Variants in ENTPD4 observed in about 807,000 individuals in gnomAD.
The protein encoded by ENTPD4 is ectonucleoside triphosphate diphosphohydrolase 4.
A neutral mutation model predicts 79.1 loss-of-function variants in ENTPD4; 60 were observed. The ratio of observed to expected loss-of-function variants is 0.76; its 90% CI spans 0.62 to 0.94. ENTPD4 has a LOEUF of 0.94. Among genes scored for constraint, ENTPD4 ranks in the 40% least tolerant of loss-of-function variants. ENTPD4 has a pLI of 0.00. For synonymous variants in ENTPD4, 276 were observed against 292.0 expected (o/e 0.95, Z 0.56); for missense variants, 772 against 775.1 (o/e 1.00, Z 0.05).
At chr8:23,454,470 T>C (rs1800918308) in intron 1 of ENTPD4, among the ~76,000 whole-genome samples, 2 of 152,062 alleles carry the variant, frequency 1.3e-5, no homozygotes, top group South Asian at 2.1e-4. Flanking sequence ...ACAGAGAAAA[T>C]ACTAATGCCC....
chr8:23,431,232 C>T lies in ENTPD4; in HGVS notation c.*1694G>A. ...TCTCTCCTGTTTCTCCAAACTCTCCCAGCCTCTGCCCAGTACCTAGTTCCA... is the reference window on the plus strand; with the variant it reads ...TCTCTCCTGTTTCTCCAAACTCTCCTAGCCTCTGCCCAGTACCTAGTTCCA... On this transcript the variant is annotated 3_prime_UTR_variant, in exon 13 of 13. Transcript: ENST00000358689. 1 of 622,696 alleles carries T rather than the reference C, an allele frequency of 1.6e-6. No individual in the cohort carries two copies. Among genetic ancestry groups the T allele is most frequent in the Non-Finnish European group, 2.0e-6 (1 of 499,462 alleles). The allele number at this position is 622,696 out of a possible 1,614,324, so 38.6% of individuals were successfully genotyped here. A position where few individuals can be genotyped will look rare whatever the true frequency, so the allele number is the denominator to read the frequency against.
chr8:23,436,426 G>GA (rs1198108443), intron 10 of ENTPD4, among the ~76,000 whole-genome samples: 2 of 152,096 alleles, frequency 1.3e-5, no homozygotes, highest in African/African-American at 2.4e-5. Context: ...TGGAGTTGTG[G>GA]AATCTAGCAG....
At chr8:23,438,925 A>T (rs1211200640) in intron 9 of ENTPD4, among the ~76,000 whole-genome samples, 2 of 152,200 alleles carry the variant, frequency 1.3e-5, no homozygotes, top group Non-Finnish European at 2.9e-5. Flanking sequence ...GATTACATTA[A>T]TCAAGGAAGT....
At chr8:23,445,769 G>A (rs1170089992) in intron 4 of ENTPD4, among the ~76,000 whole-genome samples, 2 of 152,212 alleles carry the variant, frequency 1.3e-5, no homozygotes, top group African/African-American at 2.4e-5. Context: ...CACAAAATGT[G>A]TCTGTTCAAA....
At chr8:23,438,769 A>C (rs1033032127) in intron 9 of ENTPD4, among the ~76,000 whole-genome samples, 1 of 152,246 alleles carries the variant, frequency 6.6e-6, no homozygotes, top group African/African-American at 2.4e-5. Flanking sequence ...CAATCTTATA[A>C]TTAAAACTAT....
chr8:23,430,374 A>T lies in ENTPD4; in HGVS notation c.*2552T>A. On this transcript the variant is annotated 3_prime_UTR_variant, in exon 13 of 13. Transcript: ENST00000358689. ...GAAGTGAAATTCTGGTGCAACAAAT[A>T]TTTTAAGATTGAAGTTTGGTTACTT... The T allele has an allele frequency of 1.0e-6, 1 of 985,446 alleles. No individual in the cohort carries two copies. Among genetic ancestry groups the T allele is most frequent in the Non-Finnish European group, 1.2e-6 (1 of 829,934 alleles). 61.0% of individuals were successfully genotyped at this position (985,446 alleles called of 1,614,324 possible). A position where few individuals can be genotyped will look rare whatever the true frequency, so the allele number is the denominator to read the frequency against.
rs776327006 is a variant in ENTPD4, at chr8:23,449,830, C to G, written c.8+63G>C. The G allele has an allele frequency of 4.2e-6, 6 of 1,418,914 alleles. No homozygotes were observed. In the East Asian group the frequency reaches 1.4e-4, roughly 32 times the overall value. 87.9% of individuals were successfully genotyped at this position (1,418,914 alleles called of 1,614,324 possible). A position where few individuals can be genotyped will look rare whatever the true frequency, so the allele number is the denominator to read the frequency against. ...CACTTGCGATTTAGATTTTTTTTCT[C>G]TCAAGACCTGTTTTTGCATCACCAA... On this transcript the variant is annotated intron_variant, in intron 2 of 12. Coordinates refer to ENST00000358689, the MANE Select transcript of ENTPD4 (RefSeq NM_004901.5).
intron 9 of ENTPD4, among the ~76,000 whole-genome samples, 183 bp downstream of exon 9, chr8:23,439,566 G>A (rs930212647): frequency 2.0e-5 from 3 of 152,184 alleles, no homozygotes; most frequent in Non-Finnish European, 2.9e-5. Context: ...GTGGGACAGA[G>A]GGCCAAAGGC....
intron 4 of ENTPD4, 55 bp from the exon 5 acceptor site, chr8:23,444,661 A>C: frequency 6.6e-7 from 1 of 1,518,688 alleles, no homozygotes; most frequent in South Asian, 1.1e-5. Context: ...ATAACATGTG[A>C]TGTTTCTTCA....
intron 1 of ENTPD4, among the ~76,000 whole-genome samples, chr8:23,454,536 A>T (rs754104727): frequency 6.6e-6 from 1 of 152,220 alleles, no homozygotes; most frequent in Non-Finnish European, 1.5e-5. Flanking sequence ...GATTCTTGTT[A>T]TAAGAGCTCA....
intron 8 of ENTPD4, 84 bp from the exon 9 acceptor site, chr8:23,439,999 C>A (rs79334888): frequency 8.6e-7 from 1 of 1,158,672 alleles, no homozygotes; most frequent in Admixed American, 2.1e-5. Context: ...ATAGTCTCAT[C>A]TAAAAGGGAC....
intron 8 of ENTPD4, 65 bp downstream of exon 8, chr8:23,441,504 A>G: frequency 6.3e-7 from 1 of 1,583,558 alleles, no homozygotes; most frequent in Non-Finnish European, 8.6e-7. Flanking sequence ...AAACAAAACA[A>G]GAACGATGGA....
chr8:23,434,641 C>G, intron 11 of ENTPD4, 163 bp from the exon 12 acceptor site: 1 of 1,443,920 alleles, frequency 6.9e-7, no homozygotes, highest in Non-Finnish European at 9.1e-7. Flanking sequence ...GGTTGATGTA[C>G]TTGCTTCACA....
chr8:23,452,892 G>A (rs1270430439), intron 1 of ENTPD4, among the ~76,000 whole-genome samples: 3 of 152,154 alleles, frequency 2.0e-5, no homozygotes, highest in Admixed American at 1.3e-4. Context: ...CACAGCAGTG[G>A]GCTAAAGTAT....
intron 7 of ENTPD4, 119 bp from the exon 8 acceptor site, chr8:23,441,842 C>A: frequency 8.1e-7 from 1 of 1,239,300 alleles, no homozygotes; most frequent in East Asian, 2.4e-5. Flanking sequence ...CCAGTCTACT[C>A]CTCCCAACTA....
At position 23,432,700 on chromosome 8, in the gene ENTPD4, G is replaced by C; in HGVS notation, c.*226C>G. ...TTTTTAGTAGAGACGGGGTTTCACCGTGTTAGCCAGGATGGTCTCGATCTC... is the reference window on the plus strand; with the variant it reads ...TTTTTAGTAGAGACGGGGTTTCACCCTGTTAGCCAGGATGGTCTCGATCTC... On this transcript the variant is annotated 3_prime_UTR_variant, in exon 13 of 13. Coordinates refer to ENST00000358689, the MANE Select transcript of ENTPD4 (RefSeq NM_004901.5). The C allele has an allele frequency of 1.0e-6, 1 of 999,004 alleles. No homozygotes were observed. The highest frequency in any genetic ancestry group is 3.6e-4 in the Middle Eastern group (1 of 2,786). The allele number at this position is 999,004 out of a possible 1,614,324, so 61.9% of individuals were successfully genotyped here.
rs1563231092 is a variant in ENTPD4 at position 23,457,626 on chromosome 8, C to CT, written c.-168dup. Reference sequence around the variant, plus strand: ...GGCAGCATCACGGCCAGCCGGCTTCCTGGAGGCCGCGCTCCTTTCCTGGAG... The same window carrying CT: ...GGCAGCATCACGGCCAGCCGGCTTCCTTGGAGGCCGCGCTCCTTTCCTGGAG... On this transcript the variant is annotated 5_prime_UTR_variant, in exon 1 of 13. Coordinates refer to ENST00000358689, the MANE Select transcript of ENTPD4 (RefSeq NM_004901.5). 2 of 151,810 alleles carry CT rather than the reference C, an allele frequency of 1.3e-5. No individual in the cohort carries two copies. The highest frequency in any genetic ancestry group is 4.8e-5 in the African/African-American group (2 of 41,390). 9.4% of individuals were successfully genotyped at this position (151,810 alleles called of 1,614,324 possible).
At chr8:23,451,479 G>A (rs112052440) in intron 1 of ENTPD4, among the ~76,000 whole-genome samples, 11 of 152,106 alleles carry the variant, frequency 7.2e-5, no homozygotes, top group Non-Finnish European at 1.0e-4. Context: ...CAGTGACCTC[G>A]CCTTTATCAC....
Position 23,452,417 on chromosome 8 carries a change from T to C in ENTPD4, c.-97-2420A>G, listed in dbSNP as rs138183036. Among the ~76,000 whole-genome samples, 819 of 152,302 alleles carry C rather than the reference T, an allele frequency of 5.4e-3. 7 individuals carry two copies. Among genetic ancestry groups the C allele is most frequent in the African/African-American group, 0.018 (764 of 41,560 alleles). Reference sequence around the variant, plus strand: ...CTCACTCAGGAAACAGTCAACTCCTTAGGGTGTAAAAGAGGTCCCTCATGA... The same window carrying C: ...CTCACTCAGGAAACAGTCAACTCCTCAGGGTGTAAAAGAGGTCCCTCATGA... On this transcript the variant is annotated intron_variant, in intron 1 of 12. Coordinates refer to ENST00000358689, the MANE Select transcript of ENTPD4 (RefSeq NM_004901.5).
Sources: gnomAD v4.1 joint callset for allele counts (sites outside exome capture counted in the v4.1 genomes callset) on GRCh38, gnomAD v4.1.1 for gene constraint, MANE v1.5 for transcripts, NCBI Gene and HGNC (gene_info 2026-07-23, HGNC 2026-07-21) for gene names.